DPYD: variants seen among roughly 807,000 people sequenced by gnomAD.
The protein encoded by DPYD is dihydropyrimidine dehydrogenase.
A neutral mutation model predicts 116.2 loss-of-function variants in DPYD; 109 were observed. That is an observed-to-expected ratio of 0.94 (90% confidence interval 0.80 to 1.10). DPYD has a LOEUF of 1.10. Ranked by LOEUF, DPYD falls within the 50% of genes least tolerant of loss-of-function variation. The probability of loss-of-function intolerance (pLI) is 0.00; values close to 1 mark genes in which losing one functional copy is unlikely to be tolerated. For synonymous variants in DPYD, 440 were observed against 432.0 expected, an observed-to-expected ratio of 1.02 and a Z score of -0.23; for missense variants, 1,302 against 1,254.5, an observed-to-expected ratio of 1.04 and a Z score of -0.57.
chr1:97,614,836 T>G (rs1656168237), intron 8 of DPYD, among the ~76,000 whole-genome samples: 1 of 152,128 alleles, frequency 6.6e-6, no homozygotes, highest in Non-Finnish European at 1.5e-5. Context: ...TTTACAATTC[T>G]TAGTGACTAA....
intron 18 of DPYD, among the ~76,000 whole-genome samples, chr1:97,288,240 G>C (rs1275089013): frequency 7.5e-5 from 11 of 147,194 alleles, no homozygotes; most frequent in Non-Finnish European, 1.5e-4. Context: ...AATAATGGGA[G>C]AATTTAACAC....
chr1:97,449,962 T>A (rs1035879675), intron 14 of DPYD, 97 bp downstream of exon 14: 1 of 1,463,646 alleles, frequency 6.8e-7, no homozygotes, highest in African/African-American at 1.4e-5. Flanking sequence ...TAATAAAATA[T>A]ACACATTAAT....
chr1:97,521,907 C>T (rs530655130), intron 12 of DPYD, among the ~76,000 whole-genome samples: 2 of 152,136 alleles, frequency 1.3e-5, no homozygotes, highest in South Asian at 4.2e-4. Flanking sequence ...CAAAAAATAA[C>T]TCAAGATGGA....
intron 3 of DPYD, among the ~76,000 whole-genome samples, chr1:97,810,538 C>T (rs900646859): frequency 1.3e-5 from 2 of 152,072 alleles, no homozygotes; most frequent in Admixed American, 1.3e-4. Context: ...CATCCAGTTA[C>T]ACCAGAGACC....
At chr1:97,108,161 G>A (rs1173797037) in intron 20 of DPYD, among the ~76,000 whole-genome samples, 2 of 152,102 alleles carry the variant, frequency 1.3e-5, no homozygotes, top group Non-Finnish European at 2.9e-5. Flanking sequence ...ATGCCCCATG[G>A]GAGGCATCTT....
intron 16 of DPYD, among the ~76,000 whole-genome samples, chr1:97,310,252 T>C (rs778843198): frequency 1.3e-5 from 2 of 151,762 alleles, no homozygotes; most frequent in Non-Finnish European, 2.9e-5. Flanking sequence ...GTGGCTAGAA[T>C]TTTCATTACA....
chr1:97,097,193 T>C (rs1650324784), intron 21 of DPYD, among the ~76,000 whole-genome samples: 1 of 152,230 alleles, frequency 6.6e-6, no homozygotes, highest in Non-Finnish European at 1.5e-5. Flanking sequence ...GTTCATTTTA[T>C]TTAGAATGAT....
At position 97,574,918 on chromosome 1, in the gene DPYD, C is replaced by G. The variant is rs187488950; in HGVS notation, c.1129-948G>C. Among the ~76,000 whole-genome samples, 45 of 152,184 alleles carry G rather than the reference C, an allele frequency of 3.0e-4. No homozygotes were observed. In the East Asian group the frequency reaches 7.9e-3, roughly 27 times the overall value. On this transcript the variant is annotated intron_variant, in intron 10 of 22. Transcript: ENST00000370192. ...CACTGAGGTTGTGTGTATGAGGCTT[C>G]AAACTAAGAGTTATCTGAGCTTTGT...
At chr1:97,601,811 A>G (rs1406734254) in intron 8 of DPYD, among the ~76,000 whole-genome samples, 2 of 152,014 alleles carry the variant, frequency 1.3e-5, no homozygotes, top group African/African-American at 4.8e-5. Context: ...TTTAGTACTG[A>G]GTGTTCAGAC....
chr1:97,281,599 CAAAT>C (rs1665329072), intron 18 of DPYD, among the ~76,000 whole-genome samples: 1 of 151,868 alleles, frequency 6.6e-6, no homozygotes, highest in Non-Finnish European at 1.5e-5. Flanking sequence ...AAAACATTTT[CAAAT>C]ATGCAAATTT....
intron 8 of DPYD, among the ~76,000 whole-genome samples, chr1:97,598,634 A>T (rs1330287181): frequency 6.6e-6 from 1 of 151,898 alleles, no homozygotes; most frequent in Non-Finnish European, 1.5e-5. Context: ...GGAGGGAGGG[A>T]GGAACGAAGG....
chr1:97,899,240 T>C (rs1447353429), intron 1 of DPYD, among the ~76,000 whole-genome samples: 4 of 151,814 alleles, frequency 2.6e-5, no homozygotes. Context: ...CACACAGCAC[T>C]ATATGTATAC....
At chr1:97,394,184 G>C (rs1302274224) in intron 14 of DPYD, 1 of 152,068 alleles carries the variant, frequency 6.6e-6, no homozygotes, top group South Asian at 2.1e-4. Context: ...TGTAGATTCT[G>C]GATATTAGCC....
intron 20 of DPYD, among the ~76,000 whole-genome samples, chr1:97,192,783 A>C (rs1382956432): frequency 6.6e-6 from 1 of 152,250 alleles, no homozygotes; most frequent in African/African-American, 2.4e-5. Context: ...ACTGGGAAGA[A>C]TGCCAGTCAT....
At chr1:97,478,784 C>G (rs542247200) in intron 13 of DPYD, among the ~76,000 whole-genome samples, 68 of 152,298 alleles carry the variant, frequency 4.5e-4, no homozygotes, top group Non-Finnish European at 8.4e-4. Context: ...TTGTCTACAT[C>G]GAAAATCTGT....
At chr1:97,597,270 C>T (rs950445387) in intron 8 of DPYD, among the ~76,000 whole-genome samples, 18 of 152,182 alleles carry the variant, frequency 1.2e-4, no homozygotes, top group Admixed American at 1.2e-3. Flanking sequence ...GCCTCAAGGT[C>T]CACGGAGCCC....
At chr1:97,246,043 T>C (rs959822912) in intron 18 of DPYD, among the ~76,000 whole-genome samples, 1 of 152,080 alleles carries the variant, frequency 6.6e-6, no homozygotes, top group African/African-American at 2.4e-5. Context: ...CTCTCAAAGA[T>C]GTGGTGTGGA....
intron 2 of DPYD, among the ~76,000 whole-genome samples, chr1:97,861,868 C>A (rs1273417747): frequency 6.6e-6 from 1 of 151,948 alleles, no homozygotes; most frequent in Non-Finnish European, 1.5e-5. Context: ...TGACATTCTG[C>A]TACAATGTTC....
chr1:97,257,477 C>A (rs1319932383), intron 18 of DPYD, among the ~76,000 whole-genome samples: 2 of 116,454 alleles, frequency 1.7e-5, no homozygotes, highest in African/African-American at 4.5e-5. Context: ...AGAGAGAGAG[C>A]ACGTGAGTTA....
Sources: gnomAD v4.1 joint callset for allele counts (sites outside exome capture counted in the v4.1 genomes callset) on GRCh38, gnomAD v4.1.1 for gene constraint, MANE v1.5 for transcripts, NCBI Gene and HGNC (gene_info 2026-07-23, HGNC 2026-07-21) for gene names.